Variants in NBPF20 observed in about 807,000 individuals in gnomAD.
The protein encoded by NBPF20 is NBPF member 20.
Under a neutral mutation model 68.1 loss-of-function variants are expected in NBPF20, and 90 were observed. That is an observed-to-expected ratio of 1.32 (90% CI 1.11 to 1.58). The LOEUF is 1.58. NBPF20 is among the 40% of genes most tolerant of loss of function. NBPF20 has a pLI of 0.00. For missense variants in NBPF20, 816 were observed against 601.2 expected, an observed-to-expected ratio of 1.36 and a Z score of -3.74; for synonymous variants, 290 against 228.1, an observed-to-expected ratio of 1.27 and a Z score of -2.45.
At chr1:145,405,283 G>T in exon 2 of NBPF20, 1 of 1,606,062 alleles carries the variant, frequency 6.2e-7, no homozygotes, top group Non-Finnish European at 8.5e-7. Flanking sequence ...GCTGACGTTT[G>T]TGGCAGAAGA....
exon 8 of NBPF20, chr1:145,395,034 C>T: frequency 1.2e-6 from 2 of 1,611,504 alleles, no homozygotes; most frequent in South Asian, 1.1e-5. Flanking sequence ...AAATGTGCTG[C>T]TGTAAGACTG....
At chr1:145,404,962 A>G in intron 2 of NBPF20, 136 bp downstream of exon 7, 2 of 1,210,974 alleles carry the variant, frequency 1.7e-6, no homozygotes. Context: ...CCAACTAACA[A>G]AATGTTAAAA....
chr1:145,400,433 G>A lies in NBPF20; in HGVS notation c.728C>T (p.Ser243Leu). The change falls in exon 6 of 138, where the codon TCA (serine) becomes TTA (leucine). Residue 243 changes from serine to leucine, a missense_variant. Physicochemically the swap from Ser to Leu is moderately radical, Grantham distance 145. Coordinates refer to ENST00000369373, the Ensembl canonical transcript of NBPF20. ...ATCCTCCCATTCAACATGAGAGGAT[G>A]AGCCAATCAGAGTTGAGTCGACTTT... The A allele has an allele frequency of 6.2e-6, 10 of 1,613,126 alleles. No individual in the cohort carries two copies. The South Asian group carries it at 7.7e-5, about 12-fold the overall frequency.
intron 3 of NBPF20, 106 bp from the exon 9 acceptor site, chr1:145,402,487 C>A (rs1662569723): frequency 1.4e-5 from 16 of 1,181,668 alleles, no homozygotes; most frequent in Non-Finnish European, 2.0e-5. Flanking sequence ...GACCTCGAAG[C>A]AGAAGGTCAG....
At chr1:145,425,001 C>T in the NBPF20 span, among the ~76,000 whole-genome samples, 1 of 152,154 alleles carries the variant, frequency 6.6e-6, no homozygotes, top group African/African-American at 2.4e-5. Context: ...CAGAGGCAAC[C>T]GATGTCTGGC....
At chr1:145,312,173 G>A in intron 112 of NBPF20, 35 bp downstream of exon 117, 1 of 136,370 alleles carries the variant, frequency 7.3e-6, no homozygotes, top group Non-Finnish European at 1.2e-5. Context: ...AGAAGACTCA[G>A]TGGATCCTTA....
intron 112 of NBPF20, among the ~76,000 whole-genome samples, chr1:145,311,862 T>A (rs1271507033): frequency 9.8e-5 from 11 of 111,710 alleles, no homozygotes; most frequent in African/African-American, 1.3e-4. Context: ...GTAGCGAGGA[T>A]TTTAGATGCT....
chr1:145,415,029 C>T, the NBPF20 span, among the ~76,000 whole-genome samples: 3 of 152,136 alleles, frequency 2.0e-5, no homozygotes, highest in Non-Finnish European at 4.4e-5. Flanking sequence ...CCGGCACTGG[C>T]CTCTGAGTTC....
At chr1:145,292,225 A>C (rs1183307684) in intron 137 of NBPF20, among the ~76,000 whole-genome samples, 156 bp downstream of exon 142, 1 of 149,226 alleles carries the variant, frequency 6.7e-6, no homozygotes, top group Non-Finnish European at 1.5e-5. Context: ...AGAAATGGAA[A>C]CCTAAACATC....
chr1:145,410,166 T>C (rs1264534572), upstream of NBPF20, among the ~76,000 whole-genome samples: 1 of 152,018 alleles, frequency 6.6e-6, no homozygotes, highest in Non-Finnish European at 1.5e-5. Flanking sequence ...AAGTGCTTTA[T>C]ATCCTCACCA....
At chr1:145,401,082 T>G in exon 5 of NBPF20, 2 of 1,608,554 alleles carry the variant, frequency 1.2e-6, no homozygotes, top group Non-Finnish European at 1.7e-6. Context: ...ATTTCTGCAC[T>G]TTCTCAGCCA....
intron 4 of NBPF20, 61 bp from the exon 10 acceptor site, chr1:145,401,192 G>A: frequency 7.0e-7 from 1 of 1,427,790 alleles, no homozygotes. Context: ...AGCACAGTCA[G>A]CCCAATGTGC....
upstream of NBPF20, chr1:145,405,812 T>C (rs1347123576): frequency 1.5e-5 from 4 of 264,652 alleles, no homozygotes; most frequent in Admixed American, 9.7e-5. Context: ...CTGTACAACA[T>C]CATCAAGGCA....
At chr1:145,291,664 G>C (rs782437880) in exon 138 of NBPF20, 22 of 1,611,824 alleles carry the variant, frequency 1.4e-5, no homozygotes, top group South Asian at 9.9e-5. Flanking sequence ...TGTAGTGCTG[G>C]AATGAGTCAG....
chr1:145,408,719 A>ATT (rs1662901472), upstream of NBPF20, among the ~76,000 whole-genome samples: 1 of 152,034 alleles, frequency 6.6e-6, no homozygotes, highest in Non-Finnish European at 1.5e-5. Context: ...GAGTCTTCCA[A>ATT]TCAATAAACA....
At chr1:145,407,324 G>C (rs1662833680), upstream of NBPF20, among the ~76,000 whole-genome samples, 1 of 144,194 alleles carries the variant, frequency 6.9e-6, no homozygotes, top group African/African-American at 2.5e-5. Context: ...AATACCTAAT[G>C]TAAATGACGA....
At chr1:145,291,986 G>C (rs1243151069) in intron 137 of NBPF20, among the ~76,000 whole-genome samples, 3 of 148,662 alleles carry the variant, frequency 2.0e-5, no homozygotes, top group Non-Finnish European at 4.4e-5. Flanking sequence ...GACAGAGACA[G>C]AGAGAGAGAG....
exon 138 of NBPF20, chr1:145,291,161 T>A: frequency 2.6e-6 from 1 of 389,088 alleles, no homozygotes; most frequent in East Asian, 5.5e-5. Context: ...CACCTTTGGA[T>A]GAGCTAAACA....
At chr1:145,402,433 C>A (rs1399827981) in intron 3 of NBPF20, 52 bp from the exon 9 acceptor site, 4 of 1,591,574 alleles carry the variant, frequency 2.5e-6, no homozygotes, top group Non-Finnish European at 3.4e-6. Context: ...CAGTGATCCG[C>A]TCAAATATTG....
Sources: gnomAD v4.1 joint callset for allele counts (sites outside exome capture counted in the v4.1 genomes callset) on GRCh38, gnomAD v4.1.1 for gene constraint, MANE v1.5 for transcripts, NCBI Gene and HGNC (gene_info 2026-07-23, HGNC 2026-07-21) for gene names.